The following PIK3C2A variants were observed in gnomAD, a reference collection of about 807,000 sequenced individuals.
PIK3C2A encodes phosphatidylinositol-4-phosphate 3-kinase catalytic subunit type 2 alpha.
In PIK3C2A, 97 loss-of-function variants were observed where a neutral mutation model predicts 204.5. The observed-to-expected ratio is 0.47, with a 90% CI of 0.40 to 0.56. The LOEUF is 0.56. Ranked by LOEUF, PIK3C2A falls within the 20% of genes least tolerant of loss-of-function variation. The pLI, the probability that PIK3C2A is intolerant of heterozygous loss-of-function variation, is 0.00. For missense variants in PIK3C2A, 1,735 were observed against 1,969.2 expected, an observed-to-expected ratio of 0.88 and a Z score of 2.25; for synonymous variants, 653 against 664.4, an observed-to-expected ratio of 0.98 and a Z score of 0.26.
At chr11:17,200,672 A>G (rs906597303) in intron 1 of PIK3C2A, among the ~76,000 whole-genome samples, 4 of 152,180 alleles carry the variant, frequency 2.6e-5, no homozygotes, top group Non-Finnish European at 4.4e-5. Flanking sequence ...TATATCTTGT[A>G]TCTTAATTGT....
At chr11:17,190,590 AT>A (rs1164350115) in intron 1 of PIK3C2A, among the ~76,000 whole-genome samples, 2 of 147,214 alleles carry the variant, frequency 1.4e-5, no homozygotes, top group African/African-American at 2.5e-5. Flanking sequence ...AAAAAAAAAA[AT>A]TATGATAAAA....
chr11:17,148,636 A>G (rs767627876), intron 5 of PIK3C2A, 31 bp downstream of exon 5: 23 of 1,596,264 alleles, frequency 1.4e-5, no homozygotes, highest in Non-Finnish European at 1.8e-5. Flanking sequence ...GAAATTTCCA[A>G]GGATGTTGCT....
intron 23 of PIK3C2A, among the ~76,000 whole-genome samples, chr11:17,104,642 G>A (rs557922190): frequency 6.7e-5 from 10 of 149,978 alleles, no homozygotes; most frequent in East Asian, 2.0e-4. Flanking sequence ...GGAGAATGGC[G>A]TGAACCCAGG....
At chr11:17,153,386 G>T (rs1462366776) in intron 3 of PIK3C2A, among the ~76,000 whole-genome samples, 1 of 150,288 alleles carries the variant, frequency 6.7e-6, no homozygotes, top group Non-Finnish European at 1.5e-5. Flanking sequence ...AGTGAACTGA[G>T]ATCGCACCAC....
intron 1 of PIK3C2A, among the ~76,000 whole-genome samples, chr11:17,183,233 AC>A (rs1423160379): frequency 6.6e-6 from 1 of 152,228 alleles, no homozygotes; most frequent in Non-Finnish European, 1.5e-5. Flanking sequence ...GGTTTCAGTC[AC>A]CCACAGTCAA....
intron 23 of PIK3C2A, among the ~76,000 whole-genome samples, chr11:17,103,420 TCTTTAATCTAAAGC>T (rs1334628992): frequency 1.3e-5 from 2 of 152,166 alleles, no homozygotes; most frequent in Non-Finnish European, 2.9e-5. Context: ...ATGAGGTTTT[TCTTTAATCTAAAGC>T]ATGTGTATTT....
chr11:17,136,157 G>C (rs1283189307), intron 9 of PIK3C2A, among the ~76,000 whole-genome samples: 48 of 152,132 alleles, frequency 3.2e-4, no homozygotes, highest in Non-Finnish European at 2.9e-5. Context: ...CACCCCAAGG[G>C]AGAAGTGATA....
At chr11:17,125,310 C>A (rs186793360) in intron 13 of PIK3C2A, among the ~76,000 whole-genome samples, 1 of 152,256 alleles carries the variant, frequency 6.6e-6, no homozygotes, top group South Asian at 2.1e-4. Context: ...AGGGGGACAA[C>A]TGGCATCTAA....
At chr11:17,124,091 C>T (rs765226880) in intron 13 of PIK3C2A, among the ~76,000 whole-genome samples, 5 of 152,044 alleles carry the variant, frequency 3.3e-5, no homozygotes, top group East Asian at 3.9e-4. Context: ...TTGGAATGCG[C>T]GGTGTGATCA....
intron 1 of PIK3C2A, among the ~76,000 whole-genome samples, chr11:17,183,342 ATTAC>A (rs1851632066): frequency 6.6e-6 from 1 of 152,192 alleles, no homozygotes; most frequent in African/African-American, 2.4e-5. Flanking sequence ...TTATTCTATT[ATTAC>A]TTATTGTTAT....
At chr11:17,163,044 G>C (rs936434420) in intron 2 of PIK3C2A, among the ~76,000 whole-genome samples, 1 of 152,060 alleles carries the variant, frequency 6.6e-6, no homozygotes, top group Non-Finnish European at 1.5e-5. Context: ...CGGTGGCCAC[G>C]CCTATAATCC....
chr11:17,126,400 G>GT (rs1849527901), intron 13 of PIK3C2A, among the ~76,000 whole-genome samples: 2 of 151,902 alleles, frequency 1.3e-5, no homozygotes, highest in Admixed American at 6.6e-5. Flanking sequence ...CAAAAAAAAA[G>GT]TTTTTTAAAA....
At chr11:17,196,058 A>G (rs1422410510) in intron 1 of PIK3C2A, among the ~76,000 whole-genome samples, 4 of 152,108 alleles carry the variant, frequency 2.6e-5, no homozygotes, top group Middle Eastern at 6.8e-3. Context: ...AAAGAAAAGA[A>G]AAGAAAAAAG....
intron 3 of PIK3C2A, among the ~76,000 whole-genome samples, chr11:17,154,199 T>C (rs913407770): frequency 1.3e-5 from 2 of 152,158 alleles, no homozygotes; most frequent in Non-Finnish European, 1.5e-5. Flanking sequence ...GCCTAACTTC[T>C]CAACTTGCAA....
chr11:17,137,018 C>T (rs1849893803), intron 8 of PIK3C2A, among the ~76,000 whole-genome samples: 1 of 152,168 alleles, frequency 6.6e-6, no homozygotes, highest in Admixed American at 6.5e-5. Context: ...CCAAGTTCTT[C>T]AGAGGTCGGT....
chr11:17,097,175 G>A lies in PIK3C2A; in HGVS notation c.4208C>T (p.Ser1403Phe), dbSNP rs938273771. The A allele has an allele frequency of 3.1e-6, 5 of 1,612,516 alleles. No individual in the cohort carries two copies. Among genetic ancestry groups the A allele is most frequent in the Non-Finnish European group, 4.2e-6 (5 of 1,178,700 alleles). The change falls in exon 27 of 33, where the codon TCT becomes TTT. Residue 1403 changes from serine (S) to phenylalanine (F), a missense_variant. By Grantham distance (155) the Ser-to-Phe change is radical. This residue lies in a region of PIK3C2A where 503 missense variants were observed against 669.0 expected (regional missense o/e 0.75). Transcript: ENST00000691414. Reference sequence around the variant, plus strand: ...AAATGAAAGGATGGGCTCATCATTAGAAGGAAGACCAGAAAAACGAAGCTG... The same window carrying A: ...AAATGAAAGGATGGGCTCATCATTAAAAGGAAGACCAGAAAAACGAAGCTG... ...LAQLRFSGLPSNDEPILSFSP... is the reference protein window; with the variant it reads ...LAQLRFSGLPFNDEPILSFSP...
intron 1 of PIK3C2A, among the ~76,000 whole-genome samples, chr11:17,179,759 C>T (rs2137520705): frequency 6.6e-6 from 1 of 151,850 alleles, no homozygotes. Flanking sequence ...CTGAGATTAC[C>T]AGTATAACCA....
rs746441861 is a variant in PIK3C2A at position 17,122,727 on chromosome 11, T to A, written c.2486A>T (p.Tyr829Phe). 3.1e-5 allele frequency: 47 copies of A among 1,499,614 alleles called. No homozygotes were observed. Among genetic ancestry groups the A allele is most frequent in the Non-Finnish European group, 4.3e-5 (46 of 1,078,962 alleles). 92.9% of individuals were successfully genotyped at this position (1,499,614 alleles called of 1,614,324 possible). A position where few individuals can be genotyped will look rare whatever the true frequency, so the allele number is the denominator to read the frequency against. The change falls in exon 14 of 33, where the codon TAT becomes TTT. Residue 829 changes from tyrosine (Y) to phenylalanine (F), a missense_variant. Coordinates refer to ENST00000691414, the MANE Select transcript of PIK3C2A (RefSeq NM_002645.4). ...CTGTAGCACTATTCTTTCCATGACA[T>A]ATCCTTTTTTGGTAACTGTTCCAGG... ...SVPGTVTKKG[Y>F]VMERIVLQVD...
Position 17,097,242 on chromosome 11 carries a change from T to G in PIK3C2A, c.4141A>C (p.Ser1381Arg). ...FTRLIESSLG[S>R]IATKFNFFIH... ...AAGAAGTTAAACTTTGTGGCAATGC[T>G]TCCCAAACTTGATTCAATAAGCCTA... Residue 1381 changes from serine to arginine, a missense_variant, in exon 27 of 33, where the codon AGC (serine) becomes CGC (arginine). This residue lies in a region of PIK3C2A where 503 missense variants were observed against 669.0 expected (regional missense o/e 0.75). Transcript: ENST00000691414. 1.2e-6 allele frequency: 2 copies of G among 1,612,538 alleles called. No homozygotes were observed. Among genetic ancestry groups the G allele is most frequent in the Non-Finnish European group, 8.5e-7 (1 of 1,178,740 alleles).
Sources: allele counts gnomAD v4.1 joint callset (sites outside exome capture counted in the v4.1 genomes callset), GRCh38; gene constraint gnomAD v4.1.1; regional missense constraint gnomAD v4.1.1; transcripts MANE v1.5; gene names NCBI Gene and HGNC (gene_info 2026-07-23, HGNC 2026-07-21).